Variants in LDB2 observed in about 807,000 individuals in gnomAD.
The protein encoded by LDB2 is LIM domain binding 2, also known as LIM domain-binding protein 2.
LDB2 carries 12 observed loss-of-function variants against 44.3 expected under a neutral mutation model. The ratio of observed to expected loss-of-function variants is 0.27; its 90% CI spans 0.17 to 0.44. LDB2 has a LOEUF of 0.44. Ranked by LOEUF, LDB2 falls within the 20% of genes least tolerant of loss-of-function variation. LDB2 has a pLI of 1.00. For synonymous variants in LDB2, 164 were observed against 174.8 expected, an observed-to-expected ratio of 0.94 and a Z score of 0.49; for missense variants, 344 against 473.5, an observed-to-expected ratio of 0.73 and a Z score of 2.54.
At chr4:16,810,508 G>A (rs898015799) in intron 1 of LDB2, among the ~76,000 whole-genome samples, 1 of 152,160 alleles carries the variant, frequency 6.6e-6, no homozygotes, top group African/African-American at 2.4e-5. Flanking sequence ...TTGAAAAGAT[G>A]ATGAAAAAGC....
chr4:16,620,174 A>G lies in LDB2; in HGVS notation c.236-24299T>C, dbSNP rs559043150. ...GATCGCCTCCATATCTTTAATGTCCAAAACAGTGCCTGGCAGAGTTGCCAA... is the reference window on the plus strand; with the variant it reads ...GATCGCCTCCATATCTTTAATGTCCGAAACAGTGCCTGGCAGAGTTGCCAA... On this transcript the variant is annotated intron_variant, in intron 2 of 7. Transcript: ENST00000304523. Among the ~76,000 whole-genome samples the G allele has an allele frequency of 5.9e-5, 9 of 152,320 alleles. No homozygotes were observed. In the South Asian group the frequency reaches 1.9e-3, roughly 32 times the overall value.
intron 2 of LDB2, among the ~76,000 whole-genome samples, chr4:16,685,407 T>C (rs949879814): frequency 3.3e-5 from 5 of 150,728 alleles, no homozygotes; most frequent in African/African-American, 9.7e-5. Flanking sequence ...TGTTTTTTTG[T>C]TTTGTTTTGT....
At chr4:16,895,014 C>T (rs190046830) in intron 1 of LDB2, among the ~76,000 whole-genome samples, 42 of 149,312 alleles carry the variant, frequency 2.8e-4, no homozygotes, top group African/African-American at 7.2e-4. Flanking sequence ...TTTTAATTAG[C>T]GTAGTGCCAA....
At chr4:16,543,260 T>A (rs1337725631) in intron 5 of LDB2, among the ~76,000 whole-genome samples, 1 of 152,236 alleles carries the variant, frequency 6.6e-6, no homozygotes, top group Non-Finnish European at 1.5e-5. Context: ...TATAGCAGCA[T>A]GATTTATAAT....
intron 1 of LDB2, among the ~76,000 whole-genome samples, chr4:16,772,897 T>C (rs1771012333): frequency 6.6e-6 from 1 of 152,002 alleles, no homozygotes. Context: ...GTGAAGGAAA[T>C]AGGCAGACAA....
chr4:16,782,789 T>C (rs1773576933), intron 1 of LDB2, among the ~76,000 whole-genome samples: 2 of 152,278 alleles, frequency 1.3e-5, no homozygotes, highest in African/African-American at 2.4e-5. Context: ...GGGAACACAG[T>C]GATAAATAAG....
At chr4:16,840,682 T>G (rs1785721441) in intron 1 of LDB2, among the ~76,000 whole-genome samples, 1 of 152,230 alleles carries the variant, frequency 6.6e-6, no homozygotes, top group African/African-American at 2.4e-5. Context: ...TTGGACGACT[T>G]ATTTTGCATC....
chr4:16,897,382 G>T (rs1305595546), intron 1 of LDB2, among the ~76,000 whole-genome samples: 1 of 151,972 alleles, frequency 6.6e-6, no homozygotes, highest in Non-Finnish European at 1.5e-5. Flanking sequence ...CTCCTTTTCC[G>T]AACACTTCCA....
chr4:16,548,820 T>G (rs1736667653), intron 5 of LDB2, among the ~76,000 whole-genome samples: 1 of 152,212 alleles, frequency 6.6e-6, no homozygotes, highest in South Asian at 2.1e-4. Context: ...GCTGACTGAT[T>G]ATATGCAGAA....
At chr4:16,793,369 C>A (rs1163363067) in intron 1 of LDB2, among the ~76,000 whole-genome samples, 1 of 152,078 alleles carries the variant, frequency 6.6e-6, no homozygotes, top group Non-Finnish European at 1.5e-5. Flanking sequence ...TATGTCTAAT[C>A]TCCAGTGTTC....
At chr4:16,777,242 G>A (rs551301095) in intron 1 of LDB2, among the ~76,000 whole-genome samples, 5 of 152,244 alleles carry the variant, frequency 3.3e-5, no homozygotes, top group African/African-American at 4.8e-5. Flanking sequence ...GATGAATGAC[G>A]TGAGGGTGGA....
intron 2 of LDB2, among the ~76,000 whole-genome samples, chr4:16,735,800 C>T (rs1761781102): frequency 6.6e-6 from 1 of 152,056 alleles, no homozygotes; most frequent in South Asian, 2.1e-4. Flanking sequence ...AGGATATTTG[C>T]CTGAACAGTA....
chr4:16,756,898 TAA>T (rs139204870), intron 2 of LDB2, among the ~76,000 whole-genome samples: 1 of 143,722 alleles, frequency 7.0e-6, no homozygotes, highest in African/African-American at 2.5e-5. Flanking sequence ...TAGTAAAGGC[TAA>T]AAAAAAAACC....
At chr4:16,539,146 G>A (rs1462159817) in intron 5 of LDB2, among the ~76,000 whole-genome samples, 1 of 152,182 alleles carries the variant, frequency 6.6e-6, no homozygotes, top group Admixed American at 6.5e-5. Flanking sequence ...TACAATTGGG[G>A]ATCAAGGAAA....
chr4:16,893,026 G>T, intron 1 of LDB2: 1 of 861,110 alleles, frequency 1.2e-6, no homozygotes, highest in Non-Finnish European at 1.4e-6. Flanking sequence ...GAAAATGGGG[G>T]AAAAAAAAGA....
intron 2 of LDB2, among the ~76,000 whole-genome samples, chr4:16,665,352 G>A (rs1047176374): frequency 2.2e-5 from 3 of 139,088 alleles, no homozygotes; most frequent in African/African-American, 2.7e-5. Flanking sequence ...GGCAACCTCC[G>A]CCTCTCAGGT....
intron 5 of LDB2, among the ~76,000 whole-genome samples, chr4:16,581,991 GGGAAGGAAGGGAAGGAA>G (rs1423186517): frequency 0.029 from 3,703 of 129,086 alleles, 55 homozygotes; most frequent in Middle Eastern, 0.056. Flanking sequence ...AGGGAAGGAA[GGGAAGGAAGGGAAGGAA>G]GGAAGGAAGG....
At chr4:16,797,396 G>GA (rs1215754656) in intron 1 of LDB2, among the ~76,000 whole-genome samples, 1 of 152,084 alleles carries the variant, frequency 6.6e-6, no homozygotes, top group Non-Finnish European at 1.5e-5. Context: ...GACAGCTGGG[G>GA]AAAATGGGCA....
At chr4:16,750,794 T>C (rs530926978) in intron 2 of LDB2, 1 of 152,338 alleles carries the variant, frequency 6.6e-6, no homozygotes, top group South Asian at 2.1e-4. Flanking sequence ...TTACATTTTA[T>C]CTGGCAACCC....
Sources: gnomAD v4.1 joint callset for allele counts (sites outside exome capture counted in the v4.1 genomes callset) on GRCh38, gnomAD v4.1.1 for gene constraint, MANE v1.5 for transcripts, NCBI Gene and HGNC (gene_info 2026-07-23, HGNC 2026-07-21) for gene names.